SH3BP2: variants seen among roughly 807,000 people sequenced by gnomAD.
SH3BP2 encodes the protein SH3 domain binding protein 2, also known as SH3 domain-binding protein 2.
Under a neutral mutation model 56.2 loss-of-function variants are expected in SH3BP2, and 38 were observed. The observed-to-expected ratio is 0.68, with a 90% CI of 0.52 to 0.89. SH3BP2 has a LOEUF of 0.89. Ranked by LOEUF, SH3BP2 falls within the 40% of genes least tolerant of loss-of-function variation. The pLI is 0.00. For synonymous variants in SH3BP2, 346 were observed against 316.7 expected (o/e 1.09, Z -0.98); for missense variants, 748 against 762.6 (o/e 0.98, Z 0.23).
rs117531565 is a variant in SH3BP2, at chr4:2,819,935, C to T, written c.-4-679C>T. ...GTTAGCCCCAAGGCAGTCACTGGTC[C>T]TCCACTGACTGTGTGGTCCTCGCTT... is the stretch of plus-strand genomic sequence containing the variant. On this transcript the variant is annotated intron_variant, in intron 1 of 12. Transcript: ENST00000503393. 3.5e-4 allele frequency among the ~76,000 whole-genome samples: 54 copies of T among 152,282 alleles called. No homozygotes were observed. The East Asian group carries it at 8.5e-3, about 24-fold the overall frequency.
intron 2 of SH3BP2, among the ~76,000 whole-genome samples, chr4:2,822,300 T>C (rs1724352487): frequency 6.6e-6 from 1 of 152,154 alleles, no homozygotes; most frequent in Admixed American, 6.5e-5. Context: ...GAACTACAGA[T>C]GTATGCCACC....
At chr4:2,793,521 C>T (rs1202116606) in intron 1 of SH3BP2, among the ~76,000 whole-genome samples, 4 of 148,428 alleles carry the variant, frequency 2.7e-5, no homozygotes, top group Admixed American at 2.0e-4. Context: ...GGGCGGGGGC[C>T]GGGTGTCCCT....
At chr4:2,802,448 A>G (rs1451118449) in intron 1 of SH3BP2, among the ~76,000 whole-genome samples, 8 of 103,772 alleles carry the variant, frequency 7.7e-5, no homozygotes, top group Admixed American at 2.3e-4. Context: ...GTGTGTATGT[A>G]TATATGTGTG....
At chr4:2,800,755 G>A (rs1359405696) in intron 1 of SH3BP2, among the ~76,000 whole-genome samples, 3 of 152,210 alleles carry the variant, frequency 2.0e-5, no homozygotes, top group Admixed American at 6.5e-5. Context: ...CTGGCCTGGA[G>A]CGCCATCCCC....
At chr4:2,823,160 C>G in intron 3 of SH3BP2, 123 bp downstream of exon 3, 1 of 741,502 alleles carries the variant, frequency 1.3e-6, no homozygotes, top group Non-Finnish European at 2.4e-6. Flanking sequence ...AAGCAGCCTT[C>G]GTGCCCATCC....
intron 1 of SH3BP2, among the ~76,000 whole-genome samples, chr4:2,806,877 C>T (rs1455720233): frequency 1.3e-5 from 2 of 152,276 alleles, no homozygotes; most frequent in Non-Finnish European, 2.9e-5. Flanking sequence ...CCTCTGAGGA[C>T]AGAGCTTGAG....
chr4:2,810,321 CT>C lies in SH3BP2; in HGVS notation c.-4-10292del, dbSNP rs1367351482. ...TCCTCTCCTCTGGGCTGGACTCCCC[CT>C]GTAGCATCACAGCATTGGACCAGGG... On this transcript the variant is annotated intron_variant, in intron 1 of 12. Transcript: ENST00000503393. This position sits in a 1 kb window ranked among gnomAD's most constrained non-coding sequence, Gnocchi z 4.2. Among the ~76,000 whole-genome samples the C allele has an allele frequency of 6.6e-6, 1 of 151,528 alleles. No individual in the cohort carries two copies. Among genetic ancestry groups the C allele is most frequent in the Non-Finnish European group, 1.5e-5 (1 of 67,852 alleles).
chr4:2,833,057 G>T lies in SH3BP2; in HGVS notation c.1548+8G>T. On this transcript the variant is annotated splice_region_variant and intron_variant, in intron 12 of 12. Coordinates refer to ENST00000503393, the MANE Select transcript of SH3BP2 (RefSeq NM_001122681.2). Reference sequence around the variant, plus strand: ...TATCGCATTTTTGAGAAGGTGAGAGGGCTCTGAGTGGGACGGGGACCCTGG... The same window carrying T: ...TATCGCATTTTTGAGAAGGTGAGAGTGCTCTGAGTGGGACGGGGACCCTGG... 1.9e-6 allele frequency: 3 copies of T among 1,613,816 alleles called. No homozygotes were observed. Among genetic ancestry groups the T allele is most frequent in the Non-Finnish European group, 2.5e-6 (3 of 1,179,704 alleles).
chr4:2,807,679 G>A (rs945053427), intron 1 of SH3BP2, among the ~76,000 whole-genome samples: 4 of 152,154 alleles, frequency 2.6e-5, no homozygotes, highest in Non-Finnish European at 5.9e-5. Context: ...AGCAGGCGCC[G>A]CACCCCATCC....
intron 10 of SH3BP2, 172 bp downstream of exon 10, chr4:2,832,150 C>A: frequency 1.0e-6 from 1 of 961,616 alleles, no homozygotes; most frequent in Non-Finnish European, 1.7e-6. Context: ...CCAGCTGGCA[C>A]CCTGGCTGGC....
intron 12 of SH3BP2, 49 bp from the exon 13 acceptor site, chr4:2,833,648 C>G: frequency 6.3e-7 from 1 of 1,585,148 alleles, no homozygotes; most frequent in Non-Finnish European, 8.6e-7. Flanking sequence ...GGCCTAGAGC[C>G]GCAGAGTGGC....
rs987995477 is a variant in SH3BP2 at position 2,829,530 on chromosome 4, A to G, written c.624A>G (p.Pro208=). The stretch of plus-strand genomic sequence containing the variant: ...ACCCACCGGCTTACCCACCACCCCC[A>G]GTGCCCACGCCCAGGAAGCCAGCCT... The part of the protein sequence containing the change: ...LMHPPAYPPP[P]VPTPRKPAFS... Residue 208 remains proline, a synonymous_variant, in exon 8 of 13, where the codon CCA becomes CCG. Coordinates refer to ENST00000503393, the MANE Select transcript of SH3BP2 (RefSeq NM_001122681.2). This position sits in a 1 kb window ranked among gnomAD's most constrained non-coding sequence, Gnocchi z 4.9. The G allele has an allele frequency of 1.9e-6, 3 of 1,612,498 alleles. No homozygotes were observed. Among genetic ancestry groups the G allele is most frequent in the Non-Finnish European group, 2.5e-6 (3 of 1,179,720 alleles).
At chr4:2,795,944 C>T (rs886881375) in intron 1 of SH3BP2, among the ~76,000 whole-genome samples, 2 of 152,184 alleles carry the variant, frequency 1.3e-5, no homozygotes, top group Admixed American at 1.3e-4. Context: ...TGTGGGCTGC[C>T]TAAGTCCCAG....
intron 1 of SH3BP2, among the ~76,000 whole-genome samples, chr4:2,809,321 C>T (rs1723651785): frequency 6.6e-6 from 1 of 150,810 alleles, no homozygotes; most frequent in Non-Finnish European, 1.5e-5. Context: ...TCCCTCCCTC[C>T]CTGGGCTCAT....
At chr4:2,830,385 AG>A (rs1430242599) in intron 8 of SH3BP2, among the ~76,000 whole-genome samples, 1 of 152,102 alleles carries the variant, frequency 6.6e-6, no homozygotes, top group African/African-American at 2.4e-5. Flanking sequence ...TTTTTGAGAC[AG>A]GGTCTCACGC....
At chr4:2,809,916 T>G (rs1009086808) in intron 1 of SH3BP2, 7 of 682,976 alleles carry the variant, frequency 1.0e-5, no homozygotes, top group Non-Finnish European at 1.3e-5. Context: ...CAGCTGCAAC[T>G]TGGGAAGGAT....
At chr4:2,802,514 ATG>A (rs1723334934) in intron 1 of SH3BP2, among the ~76,000 whole-genome samples, 1 of 108,330 alleles carries the variant, frequency 9.2e-6, no homozygotes, top group South Asian at 3.4e-4. Context: ...GTTTGTATAT[ATG>A]TGTATATATA....
At chr4:2,795,366 G>C (rs922043923) in intron 1 of SH3BP2, among the ~76,000 whole-genome samples, 2 of 152,224 alleles carry the variant, frequency 1.3e-5, no homozygotes, top group South Asian at 4.1e-4. Flanking sequence ...GGACACCCCA[G>C]GTCAGTGACT....
chr4:2,823,591 G>A (rs1230836845), intron 3 of SH3BP2: 4 of 453,456 alleles, frequency 8.8e-6, no homozygotes, highest in African/African-American at 8.0e-5. Flanking sequence ...GTGGCCAGGT[G>A]GCATGTGGGT....
Sources: allele counts gnomAD v4.1 joint callset (sites outside exome capture counted in the v4.1 genomes callset), GRCh38; gene constraint gnomAD v4.1.1; non-coding constraint Gnocchi (gnomAD v3.1); transcripts MANE v1.5; gene names NCBI Gene and HGNC (gene_info 2026-07-23, HGNC 2026-07-21).